MBIP: variants seen among roughly 807,000 people sequenced by gnomAD.
MBIP encodes the protein MAP3K12 binding inhibitory protein 1, also known as MAP3K12-binding inhibitory protein 1.
A neutral mutation model predicts 45.7 loss-of-function variants in MBIP; 32 were observed. The ratio of observed to expected loss-of-function variants is 0.70; its 90% CI spans 0.53 to 0.94. The LOEUF is 0.94. MBIP is among the 40% of genes least tolerant of loss of function. The probability of loss-of-function intolerance (pLI) is 0.00; values close to 1 mark genes in which losing one functional copy is unlikely to be tolerated. For synonymous variants in MBIP, 145 were observed against 141.0 expected (o/e 1.03, Z -0.20); for missense variants, 381 against 405.5 (o/e 0.94, Z 0.52).
At chr14:36,311,166 T>G (rs900287544) in intron 6 of MBIP, among the ~76,000 whole-genome samples, 1 of 152,138 alleles carries the variant, frequency 6.6e-6, no homozygotes, top group African/African-American at 2.4e-5. Context: ...AGTGAGGACT[T>G]GGGTTTGAGC....
chr14:36,302,933 G>A (rs1336608106), intron 7 of MBIP, among the ~76,000 whole-genome samples: 1 of 152,208 alleles, frequency 6.6e-6, no homozygotes, highest in Non-Finnish European at 1.5e-5. Flanking sequence ...AGTGACATGT[G>A]ATACGATGCT....
chr14:36,299,098 G>C lies in MBIP; in HGVS notation c.1020C>G (p.Thr340=), dbSNP rs1385910382. 1.2e-6 allele frequency: 2 copies of C among 1,613,388 alleles called. No individual in the cohort carries two copies. The highest frequency in any genetic ancestry group is 2.7e-5 in the African/African-American group (2 of 74,888). The change falls in exon 9 of 9, where the codon ACC becomes ACG. Residue 340 remains threonine (T), a synonymous_variant. Transcript: ENST00000416007. ...RKSREAESMA[T]HHLP is the part of the protein sequence containing the mutation. ...GAGGAGTTTTTCATGGAAGGTGGTG[G>C]GTTGCCATGGATTCTGCTTCTCTTG...
chr14:36,307,541 A>T (rs1879954822), intron 7 of MBIP, among the ~76,000 whole-genome samples: 2 of 152,212 alleles, frequency 1.3e-5, no homozygotes, highest in Admixed American at 6.5e-5. Context: ...CCAGCACAAC[A>T]CTGTTTCTTA....
intron 8 of MBIP, among the ~76,000 whole-genome samples, chr14:36,299,716 C>A (rs1442006816): frequency 6.6e-6 from 1 of 152,138 alleles, no homozygotes; most frequent in African/African-American, 2.4e-5. Flanking sequence ...TTTGAGACAT[C>A]AACTATCCCT....
chr14:36,304,400 T>C (rs1205487083), intron 7 of MBIP, among the ~76,000 whole-genome samples: 2 of 152,200 alleles, frequency 1.3e-5, no homozygotes, highest in Admixed American at 6.5e-5. Flanking sequence ...TTTCAAAATA[T>C]AAAGTGAAAA....
chr14:36,318,277 A>G (rs1008182239), intron 1 of MBIP, among the ~76,000 whole-genome samples: 2 of 152,042 alleles, frequency 1.3e-5, no homozygotes, highest in African/African-American at 4.8e-5. Flanking sequence ...TTCTAGAGAA[A>G]ATAACTTATA....
Position 36,314,710 on chromosome 14 carries a change from A to T in MBIP, c.455T>A (p.Ile152Lys). Residue 152 changes from isoleucine (I) to lysine (K), a missense_variant, in exon 3 of 9, where the codon ATA becomes AAA. Coordinates refer to ENST00000416007, the MANE Select transcript of MBIP (RefSeq NM_016586.3). ...TCTTACTTCTGCTTTTCCAGCCTTT[A>T]TCTGAACTACTTCTGGATCAAAATG... ...QIHFDPEVVQIKAGKAEIDRR... is the reference protein window; with the variant it reads ...QIHFDPEVVQKKAGKAEIDRR... The T allele has an allele frequency of 2.5e-6, 4 of 1,613,444 alleles. No homozygotes were observed. In the South Asian group the frequency reaches 3.3e-5, roughly 13 times the overall value.
rs1880455437 is a variant in MBIP, at chr14:36,314,699, T to C, written c.466A>G (p.Lys156Glu). 1 of 1,613,094 alleles carries C rather than the reference T, an allele frequency of 6.2e-7. No homozygotes were observed. The highest frequency in any genetic ancestry group is 8.5e-7 in the Non-Finnish European group (1 of 1,179,530). The part of the protein sequence containing the change: ...DPEVVQIKAG[K>E]AEIDRRISAF... ...CCAAAAAACCTTCTTACTTCTGCTT[T>C]TCCAGCCTTTATCTGAACTACTTCT... The change falls in exon 3 of 9, where the codon AAA becomes GAA. Residue 156 changes from lysine to glutamate, a missense_variant. Lys to Glu is a moderately conservative substitution (Grantham distance 56, BLOSUM62 1). Coordinates refer to ENST00000416007, the MANE Select transcript of MBIP (RefSeq NM_016586.3).
At chr14:36,303,066 T>C (rs1879668581) in intron 7 of MBIP, among the ~76,000 whole-genome samples, 2 of 152,226 alleles carry the variant, frequency 1.3e-5, no homozygotes, top group South Asian at 4.1e-4. Flanking sequence ...CTGTACATGA[T>C]AGGCCAGTGT....
At chr14:36,299,729 T>A (rs571271567) in intron 8 of MBIP, among the ~76,000 whole-genome samples, 1 of 152,330 alleles carries the variant, frequency 6.6e-6, no homozygotes, top group East Asian at 1.9e-4. Flanking sequence ...CTATCCCTTT[T>A]AATGGAAAAC....
Position 36,308,137 on chromosome 14 carries a change from T to C in MBIP, c.843A>G (p.Lys281=), listed in dbSNP as rs2139212783. Residue 281 remains lysine, a synonymous_variant, in exon 7 of 9, where the codon AAA becomes AAG. Coordinates refer to ENST00000416007, the MANE Select transcript of MBIP (RefSeq NM_016586.3). ...GAGAGATGCCTTCCAATTCAAGGAT[T>C]TTATCCTCAAGTTTTTTAATTCTCT... ...IYQRIKKLED[K]ILELEGISPE... The C allele has an allele frequency of 6.2e-7, 1 of 1,606,934 alleles. No individual in the cohort carries two copies. The highest frequency in any genetic ancestry group is 8.5e-7 in the Non-Finnish European group (1 of 1,175,224).
rs115444173 is a variant in MBIP at position 36,314,671 on chromosome 14, C to T, written c.474+20G>A. On this transcript the variant is annotated intron_variant, in intron 3 of 8. Transcript: ENST00000416007. ...TTTTTAAAATAATACCCTCTCGCCCCCGCCAAAAAACCTTCTTACTTCTGC... is the reference window on the plus strand; with the variant it reads ...TTTTTAAAATAATACCCTCTCGCCCTCGCCAAAAAACCTTCTTACTTCTGC... The T allele has an allele frequency of 1.7e-3, 2,714 of 1,609,536 alleles. 49 individuals carry two copies. The African/African-American group carries it at 0.033, about 20-fold the overall frequency.
intron 6 of MBIP, among the ~76,000 whole-genome samples, 184 bp downstream of exon 6, chr14:36,311,389 C>T (rs1455847591): frequency 6.6e-6 from 1 of 152,088 alleles, no homozygotes; most frequent in Admixed American, 6.5e-5. Context: ...AACACCACCA[C>T]CATCTCAAAA....
intron 1 of MBIP, among the ~76,000 whole-genome samples, chr14:36,319,419 G>A (rs923784452): frequency 6.6e-6 from 1 of 152,122 alleles, no homozygotes; most frequent in African/African-American, 2.4e-5. Flanking sequence ...TAATAACTGC[G>A]TCATTTCATA....
intron 1 of MBIP, among the ~76,000 whole-genome samples, chr14:36,317,990 C>T (rs1880677683): frequency 6.6e-6 from 1 of 151,966 alleles, no homozygotes; most frequent in Non-Finnish European, 1.5e-5. Flanking sequence ...TTTAAAAGTC[C>T]ATATTAGACA....
chr14:36,305,497 AC>A (rs1212529230), intron 7 of MBIP, among the ~76,000 whole-genome samples: 1 of 152,084 alleles, frequency 6.6e-6, no homozygotes, highest in African/African-American at 2.4e-5. Flanking sequence ...ACAGGTTGCC[AC>A]CATCCATCCT....
At position 36,317,349 on chromosome 14, in the gene MBIP, T is replaced by A. The variant is rs181919434; in HGVS notation, c.130-537A>T. ...TTTAACTTTTAACCGATTTTTAAAC[T>A]AATTTAAAAGTCAAGATTATTCATA... On this transcript the variant is annotated intron_variant, in intron 1 of 8. Transcript: ENST00000416007. Among the ~76,000 whole-genome samples the A allele has an allele frequency of 2.0e-5, 3 of 152,304 alleles. No individual in the cohort carries two copies. The East Asian group carries it at 5.8e-4, about 29-fold the overall frequency.
chr14:36,304,182 C>T (rs915921241), intron 7 of MBIP, among the ~76,000 whole-genome samples: 3 of 152,124 alleles, frequency 2.0e-5, no homozygotes, highest in African/African-American at 7.2e-5. Flanking sequence ...TCAGCATTCC[C>T]CTCCCCCGAT....
chr14:36,320,229 T>A (rs1303052558), intron 1 of MBIP, among the ~76,000 whole-genome samples: 1 of 148,896 alleles, frequency 6.7e-6, no homozygotes, highest in East Asian at 2.1e-4. Context: ...TAGGCCAACC[T>A]CACCCACTCT....
Sources: gnomAD v4.1 joint callset for allele counts (sites outside exome capture counted in the v4.1 genomes callset) on GRCh38, gnomAD v4.1.1 for gene constraint, MANE v1.5 for transcripts, NCBI Gene and HGNC (gene_info 2026-07-23, HGNC 2026-07-21) for gene names.